PCED1B: variants seen among roughly 807,000 people sequenced by gnomAD.
PCED1B encodes the protein PC-esterase domain containing 1B, also known as PC-esterase domain-containing protein 1B.
For missense variants in PCED1B, 573 were observed against 573.9 expected (o/e 1.00, Z 0.02); for synonymous variants, 251 against 246.1 (o/e 1.02, Z -0.19).
chr12:47,175,147 C>T (rs12370192), intron 2 of PCED1B, among the ~76,000 whole-genome samples: 35,708 of 152,010 alleles, frequency 0.23, 5,279 homozygotes, highest in Non-Finnish European at 0.33. Flanking sequence ...AATCACAAAT[C>T]GTAAAAGAGG....
At chr12:47,184,708 TA>T (rs1942201337) in intron 2 of PCED1B, among the ~76,000 whole-genome samples, 2 of 151,782 alleles carry the variant, frequency 1.3e-5, no homozygotes, top group South Asian at 4.2e-4. Flanking sequence ...CGTCATTTCA[TA>T]AAAGAAAGGA....
chr12:47,129,256 T>C (rs986454227), intron 2 of PCED1B, among the ~76,000 whole-genome samples: 2 of 152,158 alleles, frequency 1.3e-5, no homozygotes, highest in Non-Finnish European at 1.5e-5. Context: ...GTGGATCTCT[T>C]GAGCTCAGGA....
intron 1 of PCED1B, among the ~76,000 whole-genome samples, chr12:47,083,182 CAT>C (rs1316147503): frequency 1.3e-5 from 2 of 151,762 alleles, no homozygotes; most frequent in East Asian, 1.9e-4. Context: ...ATTAATAGCA[CAT>C]GTTTGATGAT....
At chr12:47,120,805 A>T (rs532896406) in intron 2 of PCED1B, among the ~76,000 whole-genome samples, 90 of 152,116 alleles carry the variant, frequency 5.9e-4, no homozygotes, top group African/African-American at 5.3e-4. Flanking sequence ...CCATCTCAAA[A>T]AATAATAATA....
At chr12:47,168,230 C>T (rs1432092223) in intron 2 of PCED1B, among the ~76,000 whole-genome samples, 2 of 152,160 alleles carry the variant, frequency 1.3e-5, no homozygotes, top group Non-Finnish European at 2.9e-5. Flanking sequence ...TTTTAAGCCT[C>T]CTTCTGTCTC....
chr12:47,118,264 C>T (rs991607342), intron 2 of PCED1B, among the ~76,000 whole-genome samples: 4 of 152,122 alleles, frequency 2.6e-5, no homozygotes, highest in Non-Finnish European at 4.4e-5. Flanking sequence ...AAGTCCTTGC[C>T]CATGCCTATG....
chr12:47,218,669 CTTTTT>C (rs59140565), intron 3 of PCED1B, among the ~76,000 whole-genome samples: 2 of 128,402 alleles, frequency 1.6e-5, no homozygotes, highest in African/African-American at 3.0e-5. Context: ...AATTTTTTTT[CTTTTT>C]TTTTTTTTTT....
At chr12:47,202,605 A>G (rs1462914692) in intron 2 of PCED1B, among the ~76,000 whole-genome samples, 1 of 150,864 alleles carries the variant, frequency 6.6e-6, no homozygotes, top group East Asian at 1.9e-4. Flanking sequence ...AAAAAAAAAA[A>G]AAAAAAAAAA....
intron 1 of PCED1B, among the ~76,000 whole-genome samples, chr12:47,097,453 C>A (rs145959382): frequency 6.6e-6 from 1 of 152,286 alleles, no homozygotes; most frequent in East Asian, 1.9e-4. Flanking sequence ...GAAGGGAAGG[C>A]AGGGCTGATA....
At chr12:47,189,425 C>T (rs1337293532) in intron 2 of PCED1B, among the ~76,000 whole-genome samples, 1 of 152,162 alleles carries the variant, frequency 6.6e-6, no homozygotes, top group Non-Finnish European at 1.5e-5. Context: ...AGAGAAGAGC[C>T]TGTAATCTTG....
chr12:47,227,949 G>A (rs879403591), intron 3 of PCED1B, among the ~76,000 whole-genome samples: 7 of 152,074 alleles, frequency 4.6e-5, no homozygotes, highest in African/African-American at 1.7e-4. Flanking sequence ...AACTGGTTAG[G>A]ATATAGGACC....
At chr12:47,090,648 T>C (rs1380415973) in intron 1 of PCED1B, among the ~76,000 whole-genome samples, 1 of 152,192 alleles carries the variant, frequency 6.6e-6, no homozygotes, top group Non-Finnish European at 1.5e-5. Context: ...TGCTGACATC[T>C]AACAACATAG....
chr12:47,105,681 T>C (rs1479272746), intron 2 of PCED1B, among the ~76,000 whole-genome samples: 1 of 152,180 alleles, frequency 6.6e-6, no homozygotes, highest in African/African-American at 2.4e-5. Flanking sequence ...TTACCCAAAA[T>C]AGTCGACCCT....
At position 47,131,673 on chromosome 12, in the gene PCED1B, C is replaced by CTTTTTTTTTTTTTTTT. The variant is rs760678015; in HGVS notation, c.-526+27492_-526+27493insTTTTTTTTTTTTTTTT. Among the ~76,000 whole-genome samples the CTTTTTTTTTTTTTTTT allele has an allele frequency of 9.6e-3, 1,222 of 127,546 alleles. 87 individuals are homozygous for CTTTTTTTTTTTTTTTT. The highest frequency in any genetic ancestry group is 0.035 in the East Asian group (150 of 4,280). 83.7% of individuals were successfully genotyped at this position (127,546 alleles called of 152,430 possible). A position where few individuals can be genotyped will look rare whatever the true frequency, so the allele number is the denominator to read the frequency against. On this transcript the variant is annotated intron_variant, in intron 2 of 3. Coordinates refer to ENST00000546455, the MANE Select transcript of PCED1B (RefSeq NM_138371.3). Reference sequence around the variant, plus strand: ...CTGACACTATTGTCATGTTTTACTTCTTTTTTTTTTTTTTGAGAAGGAGTC... The same window carrying CTTTTTTTTTTTTTTTT: ...CTGACACTATTGTCATGTTTTACTTCTTTTTTTTTTTTTTTTTTTTTTTTTTTTTTGAGAAGGAGTC...
At chr12:47,198,827 A>T (rs548445342) in intron 2 of PCED1B, among the ~76,000 whole-genome samples, 28 of 152,076 alleles carry the variant, frequency 1.8e-4, no homozygotes, top group East Asian at 1.9e-4. Flanking sequence ...TTAGCCAGAC[A>T]TGGTTGCACA....
chr12:47,218,375 C>T (rs1485076016), intron 3 of PCED1B, among the ~76,000 whole-genome samples: 2 of 152,264 alleles, frequency 1.3e-5, no homozygotes, highest in Non-Finnish European at 2.9e-5. Flanking sequence ...CTTGCTTGTC[C>T]TTTCTTCCGC....
intron 1 of PCED1B, among the ~76,000 whole-genome samples, chr12:47,092,170 A>G (rs1036834445): frequency 2.0e-5 from 3 of 152,068 alleles, no homozygotes; most frequent in African/African-American, 7.2e-5. Context: ...TCCAATTATA[A>G]TGATGCATAT....
At chr12:47,185,304 A>G (rs985300388) in intron 2 of PCED1B, among the ~76,000 whole-genome samples, 1 of 152,216 alleles carries the variant, frequency 6.6e-6, no homozygotes, top group Non-Finnish European at 1.5e-5. Flanking sequence ...AAACAGAGAC[A>G]GACACAAGAA....
At chr12:47,169,845 A>C (rs1322299292) in intron 2 of PCED1B, among the ~76,000 whole-genome samples, 4 of 135,832 alleles carry the variant, frequency 2.9e-5, no homozygotes, top group Non-Finnish European at 6.2e-5. Flanking sequence ...ACAAAGTGAG[A>C]CCCTGTCTCA....
Sources: gnomAD v4.1 joint callset for allele counts (sites outside exome capture counted in the v4.1 genomes callset) on GRCh38, gnomAD v4.1.1 for gene constraint, MANE v1.5 for transcripts, NCBI Gene and HGNC (gene_info 2026-07-23, HGNC 2026-07-21) for gene names.